Variants in FLNB observed in about 807,000 individuals in gnomAD.
FLNB encodes filamin-B.
FLNB carries 111 observed loss-of-function variants against 250.6 expected under a neutral mutation model. The ratio of observed to expected loss-of-function variants is 0.44; its 90% CI spans 0.38 to 0.52. The LOEUF is 0.52. FLNB is among the 20% of genes least tolerant of loss of function. FLNB has a pLI of 0.00. For missense variants in FLNB, 2,869 were observed against 3,447.8 expected (o/e 0.83, Z 4.20); for synonymous variants, 1,302 against 1,372.1 (o/e 0.95, Z 1.13).
At chr3:58,115,723 G>C (rs768506011) in intron 18 of FLNB, among the ~76,000 whole-genome samples, 2 of 152,110 alleles carry the variant, frequency 1.3e-5, no homozygotes, top group Non-Finnish European at 2.9e-5. Flanking sequence ...TCAAGGAGCC[G>C]GGTGGGCCTT....
intron 4 of FLNB, among the ~76,000 whole-genome samples, chr3:58,084,111 G>GAACC (rs2097213409): frequency 6.6e-6 from 1 of 151,234 alleles, no homozygotes; most frequent in Non-Finnish European, 1.5e-5. Flanking sequence ...AGAATTGCTT[G>GAACC]AACCTGGGAG....
Position 58,149,971 on chromosome 3 carries a change from C to T in FLNB, c.6213C>T (p.Val2071=). 1 of 1,614,290 alleles carries T rather than the reference C, an allele frequency of 6.2e-7. No individual in the cohort carries two copies. Among genetic ancestry groups the T allele is most frequent in the Non-Finnish European group, 8.5e-7 (1 of 1,180,058 alleles). ...YFPTVPGVYI[V]STKFADEHVP... is the part of the protein sequence containing the mutation. ...CTACCGTGCCTGGGGTTTATATCGT[C>T]TCCACCAAATTCGCTGACGAGCACG... The change falls in exon 37 of 46, where the codon GTC becomes GTT. Residue 2071 remains valine, a synonymous_variant. Coordinates refer to ENST00000295956, the MANE Select transcript of FLNB (RefSeq NM_001457.4).
At chr3:58,097,748 G>T (rs2097241560) in intron 6 of FLNB, 67 bp from the exon 7 acceptor site, 1 of 1,451,274 alleles carries the variant, frequency 6.9e-7, no homozygotes, top group Non-Finnish European at 9.6e-7. Flanking sequence ...AATGTATGTG[G>T]CTTGATGTCA....
At chr3:58,080,419 C>T (rs2097207483) in intron 3 of FLNB, among the ~76,000 whole-genome samples, 1 of 151,798 alleles carries the variant, frequency 6.6e-6, no homozygotes, top group South Asian at 2.1e-4. Context: ...GTGGCACCTT[C>T]AGGGAAGTCA....
intron 4 of FLNB, among the ~76,000 whole-genome samples, chr3:58,087,436 T>G (rs2097218996): frequency 6.6e-6 from 1 of 151,874 alleles, no homozygotes; most frequent in Non-Finnish European, 1.5e-5. Context: ...TGTGCAGTGC[T>G]CTCTACATCT....
rs1246388833 is a variant in FLNB at position 58,123,353 on chromosome 3, GC to G, written c.3390del (p.Phe1131LeufsTer62). The G allele has an allele frequency of 6.2e-7, 1 of 1,614,032 alleles. No individual in the cohort carries two copies. Among genetic ancestry groups the G allele is most frequent in the Non-Finnish European group, 8.5e-7 (1 of 1,180,042 alleles). On this transcript the variant is annotated frameshift_variant, in exon 21 of 46. Transcript: ENST00000295956. LOFTEE classifies it high-confidence loss of function. ...CTCCCTTCAAAGCTGACATTGAAATGCCCTTTGACCCCTCTAAAGTCGTGGC... is the reference window on the plus strand; with the variant it reads ...CTCCCTTCAAAGCTGACATTGAAATGCCTTTGACCCCTCTAAAGTCGTGGC... ...GSPFKADIEM[P>X]FDPSKVVASG...
At chr3:58,072,799 T>G (rs2097196491) in intron 1 of FLNB, among the ~76,000 whole-genome samples, 1 of 152,318 alleles carries the variant, frequency 6.6e-6, no homozygotes, top group Non-Finnish European at 1.5e-5. Context: ...GAAACAGAAA[T>G]TCTGGGCATT....
Position 58,008,874 on chromosome 3 carries a change from G to A in FLNB, c.292+18G>A, listed in dbSNP as rs903133771. ...GTCCATCGGTGAGTTCTCTGGCCGGGCCCAGGCGCCCACTGTGGTGCCGAC... is the reference window on the plus strand; with the variant it reads ...GTCCATCGGTGAGTTCTCTGGCCGGACCCAGGCGCCCACTGTGGTGCCGAC... On this transcript the variant is annotated intron_variant, in intron 1 of 45. Transcript: ENST00000295956. The A allele has an allele frequency of 8.1e-6, 13 of 1,613,154 alleles. No individual in the cohort carries two copies. The African/African-American group carries it at 1.1e-4, about 13-fold the overall frequency.
At chr3:58,060,493 C>T (rs2097176549) in intron 1 of FLNB, among the ~76,000 whole-genome samples, 2 of 151,712 alleles carry the variant, frequency 1.3e-5, no homozygotes, top group South Asian at 4.2e-4. Context: ...GCTGGGATTA[C>T]AGGCGTGTGC....
chr3:58,136,746 C>CTTTTTTTTTTTTTTTTTTTT (rs57053256), intron 28 of FLNB, among the ~76,000 whole-genome samples: 1 of 79,798 alleles, frequency 1.3e-5, no homozygotes, highest in Non-Finnish European at 2.2e-5. Context: ...ACAGGCCATT[C>CTTTTTTTTTTTTTTTTTTTT]TTTTTTTTTT....
chr3:58,101,886 G>A (rs989399153), intron 8 of FLNB, among the ~76,000 whole-genome samples: 1 of 152,190 alleles, frequency 6.6e-6, no homozygotes, highest in East Asian at 1.9e-4. Context: ...TCCAGCACTC[G>A]GCCTTAACTC....
chr3:58,138,570 G>C, intron 29 of FLNB, 41 bp downstream of exon 29: 3 of 1,612,330 alleles, frequency 1.9e-6, no homozygotes, highest in Non-Finnish European at 2.5e-6. Context: ...GTTATTGGTG[G>C]AAACTGTAAC....
chr3:58,044,793 G>C (rs1225542042), intron 1 of FLNB, among the ~76,000 whole-genome samples: 2 of 152,192 alleles, frequency 1.3e-5, no homozygotes, highest in African/African-American at 4.8e-5. Context: ...CTCTGCTCCA[G>C]TGTGGGCCCT....
chr3:58,008,455 A>G lies in FLNB; in HGVS notation c.-110A>G. 3 of 1,312,056 alleles carry G rather than the reference A, an allele frequency of 2.3e-6. No individual in the cohort carries two copies. The highest frequency in any genetic ancestry group is 3.2e-6 in the Non-Finnish European group (3 of 935,982). The allele number at this position is 1,312,056 out of a possible 1,614,324, so 81.3% of individuals were successfully genotyped here. A position where few individuals can be genotyped will look rare whatever the true frequency, so the allele number is the denominator to read the frequency against. On this transcript the variant is annotated 5_prime_UTR_variant, in exon 1 of 46. Coordinates refer to ENST00000295956, the MANE Select transcript of FLNB (RefSeq NM_001457.4). ...ACCGGCCGTGGCTCCGGTAGCAGCA[A>G]GTTCGAACCCCGCTCCCGCTCCGCT...
chr3:58,040,791 A>G (rs2097145043), intron 1 of FLNB, among the ~76,000 whole-genome samples: 1 of 152,182 alleles, frequency 6.6e-6, no homozygotes. Flanking sequence ...CACCGTCCCC[A>G]GCCAACATGG....
chr3:58,168,861 A>G (rs1480381007), intron 44 of FLNB: 1 of 618,494 alleles, frequency 1.6e-6, no homozygotes, highest in African/African-American at 1.8e-5. Context: ...AAGTTGAGAA[A>G]GCATGTTAGG....
At chr3:58,163,058 T>C in intron 42 of FLNB, 96 bp from the exon 43 acceptor site, 1 of 1,229,942 alleles carries the variant, frequency 8.1e-7, no homozygotes, top group African/African-American at 1.5e-5. Flanking sequence ...TGATTTTAAA[T>C]GGGCCATCTC....
At chr3:58,125,170 T>C (rs985603276) in intron 22 of FLNB, among the ~76,000 whole-genome samples, 1 of 152,202 alleles carries the variant, frequency 6.6e-6, no homozygotes, top group African/African-American at 2.4e-5. Flanking sequence ...TGTCACTCTG[T>C]TGCCCAGGCT....
At chr3:58,046,031 AGTTG>A (rs1275461196) in intron 1 of FLNB, among the ~76,000 whole-genome samples, 1 of 141,252 alleles carries the variant, frequency 7.1e-6, no homozygotes, top group Non-Finnish European at 1.5e-5. Context: ...AAAAGACTTG[AGTTG>A]GTTCTAATAG....
Sources: gnomAD v4.1 joint callset for allele counts (sites outside exome capture counted in the v4.1 genomes callset) on GRCh38, gnomAD v4.1.1 for gene constraint, MANE v1.5 for transcripts, NCBI Gene and HGNC (gene_info 2026-07-23, HGNC 2026-07-21) for gene names.